ATP6V0E1: variants seen among roughly 807,000 people sequenced by gnomAD.
The protein encoded by ATP6V0E1 is ATPase H+ transporting V0 subunit e1, also known as V-type proton ATPase subunit e 1.
In ATP6V0E1, 4 loss-of-function variants were observed where a neutral mutation model predicts 11.6. The ratio of observed to expected loss-of-function variants is 0.35; its 90% confidence interval spans 0.17 to 0.79. ATP6V0E1 has a LOEUF of 0.79. Ranked by LOEUF, ATP6V0E1 falls within the 30% of genes least tolerant of loss-of-function variation. ATP6V0E1 has a pLI of 0.54. For missense variants in ATP6V0E1, 105 were observed against 100.0 expected (o/e 1.05, Z -0.21); for synonymous variants, 36 against 34.8 (o/e 1.04, Z -0.13).
intron 1 of ATP6V0E1, chr5:172,986,584 C>T (rs1755900894): frequency 2.9e-6 from 1 of 344,906 alleles, no homozygotes; most frequent in East Asian, 9.7e-5. Context: ...GCTATGATCA[C>T]ACCACTGTAC....
intron 3 of ATP6V0E1, 27 bp from the exon 4 acceptor site, chr5:173,034,372 A>G: frequency 1.4e-6 from 1 of 702,934 alleles, no homozygotes; most frequent in East Asian, 2.7e-5. Context: ...TATGAGGACC[A>G]GTTACCAGAA....
At chr5:173,006,985 T>C (rs1273944226) in intron 2 of ATP6V0E1, among the ~76,000 whole-genome samples, 1 of 151,968 alleles carries the variant, frequency 6.6e-6, no homozygotes. Context: ...ATAAGAGGAA[T>C]TTTAGACTTT....
At chr5:173,028,839 C>G (rs1756600160) in intron 3 of ATP6V0E1, among the ~76,000 whole-genome samples, 1 of 152,186 alleles carries the variant, frequency 6.6e-6, no homozygotes, top group Admixed American at 6.5e-5. Flanking sequence ...ATGTGGGACT[C>G]TAATGTCAAG....
At chr5:173,008,910 C>CAA (rs1164495740) in intron 2 of ATP6V0E1, among the ~76,000 whole-genome samples, 79 of 41,140 alleles carry the variant, frequency 1.9e-3, no homozygotes, top group Non-Finnish European at 2.5e-3. Context: ...GACTCTGTCT[C>CAA]AAAAAAAAAA....
At chr5:172,995,762 G>A (rs1756056192) in intron 2 of ATP6V0E1, among the ~76,000 whole-genome samples, 2 of 152,064 alleles carry the variant, frequency 1.3e-5, no homozygotes, top group Non-Finnish European at 2.9e-5. Context: ...CTATAGTCAT[G>A]CGCCACCATG....
Position 173,004,130 on chromosome 5 carries a change from A to G in ATP6V0E1, c.152+9308A>G, listed in dbSNP as rs973566502. 4.6e-5 allele frequency among the ~76,000 whole-genome samples: 7 copies of G among 152,168 alleles called. No homozygotes were observed. The South Asian group carries it at 1.5e-3, about 32-fold the overall frequency. On this transcript the variant is annotated intron_variant, in intron 2 of 3. Coordinates refer to ENST00000519374, the MANE Select transcript of ATP6V0E1 (RefSeq NM_003945.4). ...ATGCCAACATTTTGATGTTGTGTAG[A>G]TGAGGAAGAGTCAGAAAAGGGCAAC...
chr5:172,996,190 A>G (rs77630216), intron 2 of ATP6V0E1, among the ~76,000 whole-genome samples: 1,559 of 152,334 alleles, frequency 0.01, 16 homozygotes, highest in Non-Finnish European at 0.017. Context: ...AAAATTTACC[A>G]TATAGCTGTG....
At chr5:173,000,416 CAG>C (rs1320566082) in intron 2 of ATP6V0E1, among the ~76,000 whole-genome samples, 6 of 152,272 alleles carry the variant, frequency 3.9e-5, no homozygotes, top group African/African-American at 1.4e-4. Context: ...GTTGTTTACT[CAG>C]AGTCACCAAG....
chr5:172,984,301 TC>T (rs1038438064), intron 1 of ATP6V0E1, among the ~76,000 whole-genome samples: 6 of 152,100 alleles, frequency 3.9e-5, no homozygotes, highest in Admixed American at 3.9e-4. Context: ...TAGTCGACTG[TC>T]CCCCTTTAGC....
Position 172,983,803 on chromosome 5 carries a change from C to A in ATP6V0E1, c.-58C>A. The stretch of plus-strand genomic sequence containing the variant: ...CTGGTCACGCGGTCAGCTATTGACA[C>A]TTCCTGGTGGGATCCGAGTGAGGCG... On this transcript the variant is annotated 5_prime_UTR_variant, in exon 1 of 4. Coordinates refer to ENST00000519374, the MANE Select transcript of ATP6V0E1 (RefSeq NM_003945.4). The A allele has an allele frequency of 6.5e-7, 1 of 1,542,606 alleles. No individual in the cohort carries two copies. Among genetic ancestry groups the A allele is most frequent in the Non-Finnish European group, 8.9e-7 (1 of 1,117,554 alleles).
chr5:172,986,067 G>T (rs1458662542), intron 1 of ATP6V0E1, among the ~76,000 whole-genome samples: 2 of 152,194 alleles, frequency 1.3e-5, no homozygotes, highest in Non-Finnish European at 2.9e-5. Flanking sequence ...GATTTAAAAT[G>T]GTCCACCTGT....
At chr5:173,031,591 C>T (rs1026281174) in intron 3 of ATP6V0E1, among the ~76,000 whole-genome samples, 6 of 149,618 alleles carry the variant, frequency 4.0e-5, no homozygotes, top group African/African-American at 1.2e-4. Flanking sequence ...GGCCAAGGCG[C>T]GCGGATCACG....
chr5:173,021,215 G>A (rs754532459), intron 3 of ATP6V0E1, among the ~76,000 whole-genome samples: 3 of 151,932 alleles, frequency 2.0e-5, no homozygotes, highest in East Asian at 1.9e-4. Flanking sequence ...CAGCTCTTGT[G>A]TGCACTAACA....
chr5:172,992,879 C>T (rs1756007814), intron 1 of ATP6V0E1, among the ~76,000 whole-genome samples: 1 of 152,100 alleles, frequency 6.6e-6, no homozygotes, highest in South Asian at 2.1e-4. Flanking sequence ...CTCACTGCAA[C>T]GTCTGCCTCC....
chr5:172,985,289 C>T (rs1262892789), intron 1 of ATP6V0E1, among the ~76,000 whole-genome samples: 1 of 151,774 alleles, frequency 6.6e-6, no homozygotes, highest in Non-Finnish European at 1.5e-5. Flanking sequence ...TACTACTTCC[C>T]TAATATTTTG....
At chr5:173,000,640 A>C (rs1472028989) in intron 2 of ATP6V0E1, among the ~76,000 whole-genome samples, 2 of 152,106 alleles carry the variant, frequency 1.3e-5, no homozygotes, top group East Asian at 3.8e-4. Context: ...GTTTTAAGTA[A>C]GATGCTGTGT....
Position 173,034,411 on chromosome 5 carries a change from G to C in ATP6V0E1, c.*49G>C. On this transcript the variant is annotated 3_prime_UTR_variant, in exon 4 of 4. Coordinates refer to ENST00000519374, the MANE Select transcript of ATP6V0E1 (RefSeq NM_003945.4). The stretch of plus-strand genomic sequence containing the variant: ...TTTTGTTTTGCAGGTCACGAGAAGA[G>C]AATGCCTTCTAGATGCAAAATCACC... 1.4e-6 allele frequency: 1 copy of C among 703,020 alleles called. No individual in the cohort carries two copies. The highest frequency in any genetic ancestry group is 1.5e-5 in the South Asian group (1 of 67,598). 43.5% of individuals were successfully genotyped at this position (703,020 alleles called of 1,614,324 possible).
chr5:172,983,998 G>A, intron 1 of ATP6V0E1, 34 bp downstream of exon 1: 1 of 1,596,628 alleles, frequency 6.3e-7, no homozygotes, highest in South Asian at 1.1e-5. Context: ...GGAGGAACGG[G>A]CGGTGAGGAG....
chr5:173,008,385 C>G (rs1286408832), intron 2 of ATP6V0E1, among the ~76,000 whole-genome samples: 1 of 149,120 alleles, frequency 6.7e-6, no homozygotes, highest in African/African-American at 2.5e-5. Flanking sequence ...CTGCAACGCT[C>G]CGCCTCCTGG....
Sources: gnomAD v4.1 joint callset for allele counts (sites outside exome capture counted in the v4.1 genomes callset) on GRCh38, gnomAD v4.1.1 for gene constraint, MANE v1.5 for transcripts, NCBI Gene and HGNC (gene_info 2026-07-23, HGNC 2026-07-21) for gene names.